ATAD2B: variants seen among roughly 807,000 people sequenced by gnomAD.
The protein encoded by ATAD2B is ATPase family AAA domain-containing protein 2B.
A neutral mutation model predicts 167.6 loss-of-function variants in ATAD2B; 40 were observed. The observed-to-expected ratio is 0.24, with a 90% CI of 0.19 to 0.31. The LOEUF is 0.31. Ranked by LOEUF, ATAD2B falls within the 10% of genes least tolerant of loss-of-function variation. The pLI is 1.00. For missense variants in ATAD2B, 1,242 were observed against 1,757.2 expected, an observed-to-expected ratio of 0.71 and a Z score of 5.24; for synonymous variants, 579 against 596.5, an observed-to-expected ratio of 0.97 and a Z score of 0.43.
At chr2:23,800,380 C>T (rs1218716355) in intron 18 of ATAD2B, among the ~76,000 whole-genome samples, 1 of 152,172 alleles carries the variant, frequency 6.6e-6, no homozygotes, top group Non-Finnish European at 1.5e-5. Flanking sequence ...TCTAGTACTT[C>T]TAGGTTAGAT....
chr2:23,892,887 C>CA (rs1186871604), intron 2 of ATAD2B, among the ~76,000 whole-genome samples: 1 of 151,946 alleles, frequency 6.6e-6, no homozygotes, highest in African/African-American at 2.4e-5. Context: ...ATCCGCTGAC[C>CA]AAAAAAGTCA....
At chr2:23,872,034 C>T (rs892099391) in intron 8 of ATAD2B, among the ~76,000 whole-genome samples, 3 of 152,084 alleles carry the variant, frequency 2.0e-5, no homozygotes, top group East Asian at 1.9e-4. Context: ...CACACCAACA[C>T]GCCCAGCTAA....
At chr2:23,914,703 G>A (rs1041538349) in intron 1 of ATAD2B, among the ~76,000 whole-genome samples, 1 of 151,970 alleles carries the variant, frequency 6.6e-6, no homozygotes, top group African/African-American at 2.4e-5. Flanking sequence ...TTAGCCGGGC[G>A]AGGTGGCGGG....
chr2:23,886,944 G>A (rs1192286590), intron 4 of ATAD2B, among the ~76,000 whole-genome samples: 2 of 136,422 alleles, frequency 1.5e-5, no homozygotes, highest in Non-Finnish European at 1.6e-5. Context: ...AAAAAAAAAA[G>A]GGAAAAAGAA....
the ATAD2B span, among the ~76,000 whole-genome samples, chr2:23,694,396 G>T: frequency 2.6e-5 from 4 of 151,884 alleles, no homozygotes; most frequent in African/African-American, 9.7e-5. Context: ...CAGGATTACT[G>T]CAGCACCTCC....
At chr2:23,678,526 G>A in the ATAD2B span, among the ~76,000 whole-genome samples, 4 of 152,266 alleles carry the variant, frequency 2.6e-5, no homozygotes, top group South Asian at 2.1e-4. Flanking sequence ...CATTTAGACC[G>A]GCCAGTCTCT....
intron 13 of ATAD2B, among the ~76,000 whole-genome samples, chr2:23,848,595 T>TG (rs1692061192): frequency 6.6e-6 from 1 of 152,190 alleles, no homozygotes; most frequent in Non-Finnish European, 1.5e-5. Flanking sequence ...TGAAGGTAGA[T>TG]GGTTACAAGT....
chr2:23,867,761 A>G (rs2150074861), intron 10 of ATAD2B, 74 bp downstream of exon 10: 3 of 1,034,480 alleles, frequency 2.9e-6, no homozygotes, highest in South Asian at 1.4e-5. Context: ...TAGTTCTACT[A>G]TGTGCTGCTT....
chr2:23,865,562 A>T (rs1695017532), intron 10 of ATAD2B, among the ~76,000 whole-genome samples: 1 of 152,096 alleles, frequency 6.6e-6, no homozygotes, highest in Non-Finnish European at 1.5e-5. Flanking sequence ...ATGGCTTTAA[A>T]AATATATAAT....
the ATAD2B span, among the ~76,000 whole-genome samples, chr2:23,732,967 A>G: frequency 1.3e-5 from 2 of 152,224 alleles, no homozygotes; most frequent in Non-Finnish European, 2.9e-5. Context: ...TCTCCTCATT[A>G]GCAGAAGGGT....
chr2:23,917,697 CAGG>C (rs1703249313), intron 1 of ATAD2B, among the ~76,000 whole-genome samples: 1 of 151,902 alleles, frequency 6.6e-6, no homozygotes, highest in African/African-American at 2.4e-5. Context: ...CAGGCTGAGT[CAGG>C]AGGACTGCTT....
the ATAD2B span, among the ~76,000 whole-genome samples, chr2:23,705,264 G>A: frequency 6.6e-6 from 1 of 152,212 alleles, no homozygotes; most frequent in African/African-American, 2.4e-5. Flanking sequence ...AGGCTGAGGT[G>A]AATGGATCAC....
chr2:23,886,826 G>A (rs1351349326), intron 4 of ATAD2B, among the ~76,000 whole-genome samples: 2 of 151,832 alleles, frequency 1.3e-5, no homozygotes, highest in East Asian at 3.9e-4. Context: ...GGCTACTTGG[G>A]AGGCTGAGGC....
the ATAD2B span, among the ~76,000 whole-genome samples, chr2:23,681,228 C>T: frequency 3.1e-3 from 473 of 152,370 alleles, 4 homozygotes; most frequent in African/African-American, 0.011. This position sits in a 1 kb window ranked among gnomAD's most constrained non-coding sequence, Gnocchi z 4.2. Flanking sequence ...TGGGAATCCC[C>T]TGGTGAGCAC....
At chr2:23,834,497 T>C (rs1415266084) in intron 13 of ATAD2B, among the ~76,000 whole-genome samples, 2 of 152,080 alleles carry the variant, frequency 1.3e-5, no homozygotes, top group Non-Finnish European at 2.9e-5. Flanking sequence ...AACTGTAGCA[T>C]GATTATATTT....
chr2:23,797,450 C>T (rs908675654), intron 19 of ATAD2B, among the ~76,000 whole-genome samples: 4 of 152,014 alleles, frequency 2.6e-5, no homozygotes, highest in African/African-American at 9.7e-5. Context: ...TAACATGGTG[C>T]TATCAATGAA....
chr2:23,759,152 T>G (rs1676321099), intron 24 of ATAD2B, among the ~76,000 whole-genome samples: 1 of 152,172 alleles, frequency 6.6e-6, no homozygotes, highest in Non-Finnish European at 1.5e-5. Context: ...TCACTTCTGG[T>G]ATCTAACCCC....
chr2:23,698,565 T>TGTA, the ATAD2B span, among the ~76,000 whole-genome samples: 1 of 110,864 alleles, frequency 9.0e-6, no homozygotes, highest in East Asian at 5.4e-4. Context: ...TATGGTGCAT[T>TGTA]ATAATTATAT....
chr2:23,896,090 G>A (rs1700113762), intron 1 of ATAD2B, 120 bp from the exon 2 acceptor site: 1 of 675,480 alleles, frequency 1.5e-6, no homozygotes, highest in African/African-American at 1.9e-5. Flanking sequence ...GCCGAGGTGG[G>A]CGATCACTTG....
Sources: gnomAD v4.1 joint callset for allele counts (sites outside exome capture counted in the v4.1 genomes callset) on GRCh38, gnomAD v4.1.1 for gene constraint, Gnocchi (gnomAD v3.1) non-coding constraint, MANE v1.5 for transcripts, NCBI Gene and HGNC (gene_info 2026-07-23, HGNC 2026-07-21) for gene names.